LRFN2: variants seen among roughly 807,000 people sequenced by gnomAD.
LRFN2 encodes the protein leucine rich repeat and fibronectin type III domain containing 2.
Under a neutral mutation model 37.3 loss-of-function variants are expected in LRFN2, and 18 were observed. The ratio of observed to expected loss-of-function variants is 0.48; its 90% CI spans 0.33 to 0.72. The LOEUF is 0.72. Ranked by LOEUF, LRFN2 falls within the 30% of genes least tolerant of loss-of-function variation. The pLI, the probability that LRFN2 is intolerant of heterozygous loss-of-function variation, is 0.02. For missense variants in LRFN2, 1,006 were observed against 1,060.7 expected, an observed-to-expected ratio of 0.95 and a Z score of 0.72; for synonymous variants, 556 against 466.6, an observed-to-expected ratio of 1.19 and a Z score of -2.47.
chr6:40,431,810 G>A lies in LRFN2; in HGVS notation c.1304C>T (p.Ser435Leu). 1.9e-6 allele frequency: 3 copies of A among 1,550,210 alleles called. No homozygotes were observed. The highest frequency in any genetic ancestry group is 2.6e-6 in the Non-Finnish European group (3 of 1,146,920). ...AVLVSEVTTT[S>L]ALVKWSVSKS... ...GCTGACAGACCACTTGACCAGGGCC[G>A]AGGTGGTGGTCACTTCAGACACAAG... The change falls in exon 2 of 3, where the codon TCG (serine) becomes TTG (leucine). Residue 435 changes from serine (S) to leucine (L), a missense_variant. Ser to Leu is a moderately radical substitution (Grantham distance 145). Around this residue, in one of 4 missense-constraint regions of LRFN2, gnomAD observed 120 missense variants for 178.4 expected, o/e 0.67. Coordinates refer to ENST00000338305, the MANE Select transcript of LRFN2 (RefSeq NM_020737.3).
chr6:40,410,690 C>T (rs1462105743), intron 2 of LRFN2, among the ~76,000 whole-genome samples: 1 of 152,296 alleles, frequency 6.6e-6, no homozygotes. Context: ...TCATCTCTTA[C>T]AGACTAACAC....
intron 1 of LRFN2, among the ~76,000 whole-genome samples, chr6:40,582,447 T>A (rs1230683164): frequency 1.3e-5 from 2 of 151,978 alleles, no homozygotes; most frequent in African/African-American, 2.4e-5. Context: ...CCCAAGCAGG[T>A]TGATAAATTA....
rs1762620432 is a variant in LRFN2, at chr6:40,396,679, C to T, written c.1401-3767G>A. ...AAAGGCGGAAGGCGGCTCCTGATTC[C>T]TCTGCTCTGTGTGTGTGTGTGTGTG... is the stretch of plus-strand genomic sequence containing the variant. On this transcript the variant is annotated intron_variant, in intron 2 of 2. Coordinates refer to ENST00000338305, the MANE Select transcript of LRFN2 (RefSeq NM_020737.3). Among the ~76,000 whole-genome samples the T allele has an allele frequency of 2.8e-5, 4 of 142,946 alleles. No homozygotes were observed. The South Asian group carries it at 6.6e-4, about 24-fold the overall frequency. 93.8% of individuals were successfully genotyped at this position (142,946 alleles called of 152,430 possible).
intron 2 of LRFN2, among the ~76,000 whole-genome samples, chr6:40,414,030 C>T (rs1225942363): frequency 6.6e-6 from 1 of 152,204 alleles, no homozygotes; most frequent in Non-Finnish European, 1.5e-5. Flanking sequence ...TCGTCTCACC[C>T]CCTCAATCCT....
intron 1 of LRFN2, among the ~76,000 whole-genome samples, chr6:40,528,920 C>T (rs1284581743): frequency 1.3e-5 from 2 of 152,170 alleles, no homozygotes; most frequent in African/African-American, 4.8e-5. Context: ...CCATTCCTGC[C>T]ACCCCAGGAC....
In LRFN2 at chr6:40,432,561, G is replaced by A; in HGVS notation, c.553C>T (p.Leu185=). 1 of 1,614,246 alleles carries A rather than the reference G, an allele frequency of 6.2e-7. No individual in the cohort carries two copies. Among genetic ancestry groups the A allele is most frequent in the Non-Finnish European group, 8.5e-7 (1 of 1,180,048 alleles). ...AAGGTGCCCTCGGCGATGTGATCCAGCAGGTTGTGGTCCAGGCTCAGCTGG... is the reference window on the plus strand; with the variant it reads ...AAGGTGCCCTCGGCGATGTGATCCAACAGGTTGTGGTCCAGGCTCAGCTGG... ...LHQLSLDHNL[L]DHIAEGTFAD... Residue 185 remains leucine (L), a synonymous_variant, in exon 2 of 3, where the codon CTG becomes TTG. Transcript: ENST00000338305.
At chr6:40,438,031 C>T (rs75827714) in intron 1 of LRFN2, among the ~76,000 whole-genome samples, 18 of 152,098 alleles carry the variant, frequency 1.2e-4, no homozygotes, top group Admixed American at 3.3e-4. Context: ...GGATCAGAAG[C>T]GAGGCTGAAA....
At chr6:40,556,259 C>G (rs1766875586) in intron 1 of LRFN2, among the ~76,000 whole-genome samples, 1 of 152,244 alleles carries the variant, frequency 6.6e-6, no homozygotes, top group South Asian at 2.1e-4. Context: ...AGCCAGCTTT[C>G]CTGTCTAGCA....
intron 2 of LRFN2, among the ~76,000 whole-genome samples, chr6:40,426,637 G>A (rs1307646652): frequency 1.3e-5 from 2 of 152,280 alleles, no homozygotes; most frequent in East Asian, 3.9e-4. Flanking sequence ...TTCCATGCAC[G>A]CATGTGTCTA....
intron 1 of LRFN2, among the ~76,000 whole-genome samples, chr6:40,450,515 T>G: frequency 6.6e-6 from 1 of 152,208 alleles, no homozygotes; most frequent in South Asian, 2.1e-4. Context: ...CTTTTCCTTG[T>G]CCCTGGGTGG....
intron 1 of LRFN2, among the ~76,000 whole-genome samples, chr6:40,469,298 C>T (rs886915514): frequency 6.6e-6 from 1 of 152,198 alleles, no homozygotes; most frequent in African/African-American, 2.4e-5. Context: ...AGACTTCAGG[C>T]CCTCAGGACT....
At chr6:40,486,023 C>T (rs978044133) in intron 1 of LRFN2, among the ~76,000 whole-genome samples, 1 of 152,266 alleles carries the variant, frequency 6.6e-6, no homozygotes, top group East Asian at 1.9e-4. Flanking sequence ...GAGACATTCA[C>T]ATCAGTGCTA....
chr6:40,476,001 T>C (rs1764702347), intron 1 of LRFN2, among the ~76,000 whole-genome samples: 1 of 152,188 alleles, frequency 6.6e-6, no homozygotes. Context: ...TTAAAAGCTA[T>C]ATGTTATGGT....
At chr6:40,437,817 A>C (rs1025312663) in intron 1 of LRFN2, among the ~76,000 whole-genome samples, 2 of 152,228 alleles carry the variant, frequency 1.3e-5, no homozygotes, top group Non-Finnish European at 2.9e-5. Context: ...CGCCAGGCCT[A>C]GTTCCCTCTA....
In LRFN2 at chr6:40,566,115, C is replaced by T. The variant is rs1018754485; in HGVS notation, c.-19+20826G>A. Among the ~76,000 whole-genome samples, 4 of 152,246 alleles carry T rather than the reference C, an allele frequency of 2.6e-5. No individual in the cohort carries two copies. In the East Asian group the frequency reaches 7.7e-4, roughly 29 times the overall value. On this transcript the variant is annotated intron_variant, in intron 1 of 2. Coordinates refer to ENST00000338305, the MANE Select transcript of LRFN2 (RefSeq NM_020737.3). ...TTCTCAAAAGAAGACATTTATGCAG[C>T]CAAAAAACACATGAAAAAATGCTCA...
At chr6:40,554,217 C>G (rs1030311009) in intron 1 of LRFN2, among the ~76,000 whole-genome samples, 19 of 152,266 alleles carry the variant, frequency 1.2e-4, no homozygotes, top group Admixed American at 2.6e-4. Context: ...AACAGGCTAC[C>G]TGGAAGTCAG....
At chr6:40,556,632 C>G (rs1336362005) in intron 1 of LRFN2, among the ~76,000 whole-genome samples, 1 of 150,260 alleles carries the variant, frequency 6.7e-6, no homozygotes, top group Admixed American at 6.7e-5. Context: ...TATGGCTAGT[C>G]AGTGTGGAGA....
chr6:40,422,259 G>C lies in LRFN2; in HGVS notation c.1400+9455C>G, dbSNP rs899571289. On this transcript the variant is annotated intron_variant, in intron 2 of 2. Coordinates refer to ENST00000338305, the MANE Select transcript of LRFN2 (RefSeq NM_020737.3). ...GCTGGGATTGAACCCAGGCCTTCTGGCTTCTTCCCTCACTAGCAGTTTGGA... is the reference window on the plus strand; with the variant it reads ...GCTGGGATTGAACCCAGGCCTTCTGCCTTCTTCCCTCACTAGCAGTTTGGA... Among the ~76,000 whole-genome samples the C allele has an allele frequency of 7.2e-5, 11 of 152,182 alleles. 1 individual carries two copies. Among genetic ancestry groups the C allele is most frequent in the Admixed American group, 5.9e-4 (9 of 15,284 alleles).
chr6:40,495,837 A>G lies in LRFN2; in HGVS notation c.-18-62706T>C, dbSNP rs147919272. 3.9e-5 allele frequency among the ~76,000 whole-genome samples: 6 copies of G among 152,188 alleles called. No homozygotes were observed. The South Asian group carries it at 8.3e-4, about 21-fold the overall frequency. On this transcript the variant is annotated intron_variant, in intron 1 of 2. Transcript: ENST00000338305. ...ATCATATCTGGTCATACGACTTCCA[A>G]CACCTTCTAGTGGATGAAGATTCTT...
Sources: allele counts gnomAD v4.1 joint callset (sites outside exome capture counted in the v4.1 genomes callset), GRCh38; gene constraint gnomAD v4.1.1; regional missense constraint gnomAD v4.1.1; transcripts MANE v1.5; gene names NCBI Gene and HGNC (gene_info 2026-07-23, HGNC 2026-07-21).